The following CNTN5 variants were observed in gnomAD, a reference collection of about 807,000 sequenced individuals.
CNTN5 encodes the protein contactin 5.
CNTN5 carries 77 observed loss-of-function variants against 129.1 expected under a neutral mutation model. That is an observed-to-expected ratio of 0.60 (90% CI 0.50 to 0.72). The LOEUF is 0.72. Among genes scored for constraint, CNTN5 ranks in the 30% least tolerant of loss-of-function variants. The probability of loss-of-function intolerance (pLI) is 0.00; values close to 1 mark genes in which losing one functional copy is unlikely to be tolerated. For synonymous variants in CNTN5, 509 were observed against 465.6 expected, an observed-to-expected ratio of 1.09 and a Z score of -1.20; for missense variants, 1,478 against 1,328.8, an observed-to-expected ratio of 1.11 and a Z score of -1.75.
chr11:99,985,734 A>G (rs538403412), intron 8 of CNTN5, among the ~76,000 whole-genome samples: 2 of 152,270 alleles, frequency 1.3e-5, no homozygotes, highest in Middle Eastern at 3.4e-3. Context: ...AGCATTCATG[A>G]CATCCTTTTT....
chr11:100,125,075 T>C (rs1259798197), intron 13 of CNTN5, among the ~76,000 whole-genome samples: 1 of 152,046 alleles, frequency 6.6e-6, no homozygotes, highest in East Asian at 1.9e-4. Context: ...TCTCTTGAAA[T>C]AGGTAAGGAT....
intron 10 of CNTN5, among the ~76,000 whole-genome samples, chr11:100,068,655 G>C (rs1387251907): frequency 6.6e-6 from 1 of 152,154 alleles, no homozygotes; most frequent in Non-Finnish European, 1.5e-5. Flanking sequence ...ACTACAAAGA[G>C]ATGATTTCCG....
chr11:100,307,216 T>C (rs1951371393), intron 20 of CNTN5, among the ~76,000 whole-genome samples: 1 of 151,586 alleles, frequency 6.6e-6, no homozygotes, highest in Non-Finnish European at 1.5e-5. Flanking sequence ...ACTCAATCTT[T>C]GCTATATGGT....
intron 15 of CNTN5, among the ~76,000 whole-genome samples, chr11:100,209,913 G>C (rs1340261935): frequency 6.6e-6 from 1 of 152,112 alleles, no homozygotes; most frequent in Non-Finnish European, 1.5e-5. Flanking sequence ...CACTGACTTT[G>C]CTGCAGAGCT....
At chr11:99,998,664 T>C (rs1306928893) in intron 8 of CNTN5, among the ~76,000 whole-genome samples, 1 of 127,564 alleles carries the variant, frequency 7.8e-6, no homozygotes, top group Non-Finnish European at 1.6e-5. Flanking sequence ...ACTTTGAAGT[T>C]CATATGGAAC....
chr11:99,689,187 C>G (rs1012897791), intron 3 of CNTN5, among the ~76,000 whole-genome samples: 3 of 152,120 alleles, frequency 2.0e-5, no homozygotes, highest in African/African-American at 4.8e-5. Context: ...GCCACACTGT[C>G]TTCCACAATG....
chr11:100,318,502 A>C (rs1235222932), intron 21 of CNTN5, among the ~76,000 whole-genome samples: 2 of 152,240 alleles, frequency 1.3e-5, no homozygotes, highest in East Asian at 3.8e-4. Flanking sequence ...ACTAATTGCC[A>C]ATTAGTAAAG....
chr11:100,289,372 C>G (rs1950892499), intron 18 of CNTN5, among the ~76,000 whole-genome samples: 1 of 151,790 alleles, frequency 6.6e-6, no homozygotes, highest in African/African-American at 2.4e-5. Context: ...AAAATACTGG[C>G]AAACCGAATC....
intron 1 of CNTN5, among the ~76,000 whole-genome samples, chr11:99,261,500 C>T (rs915208835): frequency 2.0e-5 from 3 of 151,908 alleles, no homozygotes; most frequent in African/African-American, 2.4e-5. Context: ...TCAGTAACCT[C>T]CAAAATAACA....
At chr11:100,016,958 C>A (rs1357668382) in intron 9 of CNTN5, among the ~76,000 whole-genome samples, 1 of 151,676 alleles carries the variant, frequency 6.6e-6, no homozygotes, top group East Asian at 1.9e-4. Context: ...AAACATAATT[C>A]TCATTAATAG....
chr11:99,357,115 A>C, intron 2 of CNTN5, among the ~76,000 whole-genome samples: 1 of 151,864 alleles, frequency 6.6e-6, no homozygotes, highest in African/African-American at 2.4e-5. Context: ...GTGGCAAATA[A>C]AGAGCCTAAG....
chr11:99,481,917 T>A (rs1417546999), intron 2 of CNTN5, among the ~76,000 whole-genome samples: 1 of 152,192 alleles, frequency 6.6e-6, no homozygotes, highest in African/African-American at 2.4e-5. Context: ...AGAGATGATA[T>A]TTTCTTAAAT....
intron 1 of CNTN5, among the ~76,000 whole-genome samples, chr11:99,057,908 G>A (rs1257301056): frequency 3.3e-5 from 5 of 151,704 alleles, no homozygotes. Flanking sequence ...AGTTGCCATA[G>A]AAGGTTGTAT....
At chr11:99,282,243 T>C (rs891212645) in intron 1 of CNTN5, among the ~76,000 whole-genome samples, 1 of 152,028 alleles carries the variant, frequency 6.6e-6, no homozygotes, top group Non-Finnish European at 1.5e-5. Context: ...CAAGTTAATA[T>C]GTGTATAATA....
intron 1 of CNTN5, among the ~76,000 whole-genome samples, chr11:99,246,097 G>T (rs1280544731): frequency 6.6e-6 from 1 of 152,032 alleles, no homozygotes; most frequent in Non-Finnish European, 1.5e-5. Context: ...TCAACAATTT[G>T]GTTAAATATT....
intron 2 of CNTN5, among the ~76,000 whole-genome samples, chr11:99,355,155 A>G (rs1449561001): frequency 6.6e-6 from 1 of 152,108 alleles, no homozygotes; most frequent in Admixed American, 6.5e-5. Flanking sequence ...TCTACTTTCC[A>G]TTGATTGTAA....
intron 1 of CNTN5, among the ~76,000 whole-genome samples, chr11:99,112,969 T>C (rs1857871676): frequency 5.9e-5 from 9 of 152,040 alleles, no homozygotes; most frequent in Admixed American, 5.9e-4. Context: ...CAAATGGCAT[T>C]ATTTCTTCTT....
chr11:99,800,504 G>T (rs149651966), intron 3 of CNTN5, among the ~76,000 whole-genome samples: 2 of 152,106 alleles, frequency 1.3e-5, no homozygotes, highest in South Asian at 4.2e-4. Flanking sequence ...TGTTAGTTTT[G>T]GGCCTTGATG....
intron 2 of CNTN5, among the ~76,000 whole-genome samples, chr11:99,415,992 G>A (rs1591648189): frequency 1.3e-5 from 2 of 152,082 alleles, no homozygotes; most frequent in East Asian, 3.9e-4. Flanking sequence ...AACAATATAA[G>A]TAGCCTCAAA....
Sources: allele counts gnomAD v4.1 joint callset (sites outside exome capture counted in the v4.1 genomes callset), GRCh38; gene constraint gnomAD v4.1.1; transcripts MANE v1.5; gene names NCBI Gene and HGNC (gene_info 2026-07-23, HGNC 2026-07-21).